NAGPA: variants seen among roughly 807,000 people sequenced by gnomAD.
NAGPA encodes the protein N-acetylglucosamine-1-phosphodiester alpha-N-acetylglucosaminidase.
Under a neutral mutation model 48.5 loss-of-function variants are expected in NAGPA, and 56 were observed. The observed-to-expected ratio is 1.15, with a 90% confidence interval of 0.93 to 1.44. The LOEUF (loss-of-function observed/expected upper bound fraction) is 1.44. NAGPA is among the 40% of genes most tolerant of loss of function. The probability of loss-of-function intolerance (pLI) is 0.00; values close to 1 mark genes in which losing one functional copy is unlikely to be tolerated. For missense variants in NAGPA, 888 were observed against 735.0 expected (o/e 1.21, Z -2.41); for synonymous variants, 399 against 315.5 (o/e 1.26, Z -2.81).
chr16:5,027,053 G>C, intron 9 of NAGPA, 82 bp downstream of exon 9: 1 of 1,530,206 alleles, frequency 6.5e-7, no homozygotes, highest in Middle Eastern at 2.1e-4. Flanking sequence ...GACAAGGGCA[G>C]AGATGGACCT....
intron 4 of NAGPA, 25 bp downstream of exon 4, chr16:5,030,360 G>A (rs1956077331): frequency 6.5e-7 from 1 of 1,545,748 alleles, no homozygotes; most frequent in Non-Finnish European, 8.7e-7. Flanking sequence ...GCCCCGGCCG[G>A]GGGGCCTCAG....
intron 9 of NAGPA, among the ~76,000 whole-genome samples, chr16:5,026,330 G>C (rs919287877): frequency 1.3e-5 from 2 of 148,456 alleles, no homozygotes; most frequent in Non-Finnish European, 3.0e-5. Context: ...CGTATCACTT[G>C]AGGTCAGGAG....
rs1955969953 is a variant in NAGPA at position 5,025,029 on chromosome 16, T to A, written c.*449A>T. 2 of 193,916 alleles carry A rather than the reference T, an allele frequency of 1.0e-5. No homozygotes were observed. The highest frequency in any genetic ancestry group is 1.1e-4 in the Admixed American group (2 of 18,866). 12.0% of individuals were successfully genotyped at this position (193,916 alleles called of 1,614,324 possible). A position where few individuals can be genotyped will look rare whatever the true frequency, so the allele number is the denominator to read the frequency against. On this transcript the variant is annotated 3_prime_UTR_variant, in exon 10 of 10. Transcript: ENST00000312251. ...CTAGTTGGCAAATCCAGTGATGAGGTCTGTAGAAAAGGGGTCCCGTGTCAC... is the reference window on the plus strand; with the variant it reads ...CTAGTTGGCAAATCCAGTGATGAGGACTGTAGAAAAGGGGTCCCGTGTCAC...
intron 9 of NAGPA, among the ~76,000 whole-genome samples, chr16:5,026,300 C>G (rs1187033815): frequency 6.6e-6 from 1 of 150,824 alleles, no homozygotes; most frequent in Non-Finnish European, 1.5e-5. Context: ...AATCCCAGCA[C>G]TTTGTGAGGC....
In NAGPA at chr16:5,033,334, T is replaced by C. The variant is rs1956138584; in HGVS notation, c.481A>G (p.Ser161Gly). 4.4e-6 allele frequency: 7 copies of C among 1,597,550 alleles called. No individual in the cohort carries two copies. The highest frequency in any genetic ancestry group is 5.9e-6 in the Non-Finnish European group (7 of 1,179,444). Reference protein sequence around the residue: ...NVVSDERRVSSSGGLQNAQFG... With the variant: ...NVVSDERRVSGSGGLQNAQFG... ...TGCGCGTTCTGCAGCCCCCCGGAGC[T>C]GCTCACCCGCCGCTCGTCGCTCACC... Residue 161 changes from serine to glycine, a missense_variant, in exon 2 of 10, where the codon AGC (serine) becomes GGC (glycine). Coordinates refer to ENST00000312251, the MANE Select transcript of NAGPA (RefSeq NM_016256.4). This position sits in a 1 kb window ranked among gnomAD's most constrained non-coding sequence, Gnocchi z 4.2.
chr16:5,028,646 C>A, intron 5 of NAGPA: 1 of 635,780 alleles, frequency 1.6e-6, no homozygotes, highest in South Asian at 1.8e-5. Flanking sequence ...CCAGCTACCA[C>A]CTCCTTCAGA....
At chr16:5,030,551 C>G (rs1727648933) in intron 3 of NAGPA, 58 bp from the exon 4 acceptor site, 2 of 1,364,568 alleles carry the variant, frequency 1.5e-6, no homozygotes, top group Middle Eastern at 1.8e-4. Context: ...TGCTTCTTGC[C>G]TAACTCCACT....
intron 6 of NAGPA, 30 bp downstream of exon 6, chr16:5,027,950 C>T: frequency 6.2e-7 from 1 of 1,613,756 alleles, no homozygotes; most frequent in Non-Finnish European, 8.5e-7. Flanking sequence ...CAGGGCTGGG[C>T]AGAGCCCCCT....
Position 5,033,254 on chromosome 16 carries a change from G to A in NAGPA, c.542+19C>T. Reference sequence around the variant, plus strand: ...CAGGCCCTCTGCCCTCGACAGCACGGGGCTCCCTGCCTCCTCACCCGGTGA... The same window carrying A: ...CAGGCCCTCTGCCCTCGACAGCACGAGGCTCCCTGCCTCCTCACCCGGTGA... On this transcript the variant is annotated intron_variant, in intron 2 of 9. Transcript: ENST00000312251. This position sits in a 1 kb window ranked among gnomAD's most constrained non-coding sequence, Gnocchi z 4.2. 3 of 1,578,522 alleles carry A rather than the reference G, an allele frequency of 1.9e-6. No homozygotes were observed. The highest frequency in any genetic ancestry group is 2.1e-4 in the Middle Eastern group (1 of 4,730).
At chr16:5,026,651 G>A (rs1374319607) in intron 9 of NAGPA, among the ~76,000 whole-genome samples, 1 of 152,196 alleles carries the variant, frequency 6.6e-6, no homozygotes, top group Non-Finnish European at 1.5e-5. Flanking sequence ...GGGCATGGGG[G>A]CTGGGAGGCC....
In NAGPA at chr16:5,027,700, C is replaced by T. The variant is rs1202974014; in HGVS notation, c.1174+146G>A. The T allele has an allele frequency of 4.8e-6, 6 of 1,251,906 alleles. No individual in the cohort carries two copies. In the East Asian group the frequency reaches 1.5e-4, roughly 32 times the overall value. The allele number at this position is 1,251,906 out of a possible 1,614,324, so 77.5% of individuals were successfully genotyped here. A position where few individuals can be genotyped will look rare whatever the true frequency, so the allele number is the denominator to read the frequency against. ...GGCCGCAGCAGCCACAGGGGAGTCA[C>T]ACAGTGATGTGCAGGTGAGGCCGGG... is the stretch of plus-strand genomic sequence containing the variant. On this transcript the variant is annotated intron_variant, in intron 7 of 9. Transcript: ENST00000312251.
At position 5,027,898 on chromosome 16, in the gene NAGPA, C is replaced by T. The variant is rs370439272; in HGVS notation, c.1127-5G>A. On this transcript the variant is annotated splice_region_variant and splice_polypyrimidine_tract_variant and intron_variant, in intron 6 of 9. Coordinates refer to ENST00000312251, the MANE Select transcript of NAGPA (RefSeq NM_016256.4). ...CGGCATCACAGCGGCAGCCGGCTGCCGAGACAAGACCGGGGAGGCCAGGTG... is the reference window on the plus strand; with the variant it reads ...CGGCATCACAGCGGCAGCCGGCTGCTGAGACAAGACCGGGGAGGCCAGGTG... The T allele has an allele frequency of 2.5e-5, 40 of 1,601,212 alleles. No individual in the cohort carries two copies. Among genetic ancestry groups the T allele is most frequent in the Middle Eastern group, 1.7e-4 (1 of 6,060 alleles).
chr16:5,033,102 C>T lies in NAGPA; in HGVS notation c.542+171G>A. ...ACATTGCCTGATACAAGCAAGTGCT[C>T]AATGATACTGGATGATGAATAAACT... On this transcript the variant is annotated intron_variant, in intron 2 of 9. Transcript: ENST00000312251. This position sits in a 1 kb window ranked among gnomAD's most constrained non-coding sequence, Gnocchi z 4.2. 1 of 790,256 alleles carries T rather than the reference C, an allele frequency of 1.3e-6. No individual in the cohort carries two copies. Among genetic ancestry groups the T allele is most frequent in the Non-Finnish European group, 2.0e-6 (1 of 493,014 alleles). 49.0% of individuals were successfully genotyped at this position (790,256 alleles called of 1,614,324 possible).
In NAGPA at chr16:5,031,863, C is replaced by T. The variant is rs1465272322; in HGVS notation, c.564G>A (p.Val188=). 1 of 1,614,182 alleles carries T rather than the reference C, an allele frequency of 6.2e-7. No individual in the cohort carries two copies. Among genetic ancestry groups the T allele is most frequent in the East Asian group, 2.2e-5 (1 of 44,882 alleles). ...GCACAAATGGGTTCTCAGTGTCCAG[C>T]ACCTCCTCCTCAGACAGGTACCTGG... is the stretch of plus-strand genomic sequence containing the variant. ...LVTGYLSEEE[V]LDTENPFVQL... Residue 188 remains valine (V), a synonymous_variant, in exon 3 of 10, where the codon GTG becomes GTA. Coordinates refer to ENST00000312251, the MANE Select transcript of NAGPA (RefSeq NM_016256.4).
At chr16:5,028,611 GCCCGGAAGGCTCTCCCACCCCCA>G in intron 5 of NAGPA, 1 of 572,054 alleles carries the variant, frequency 1.7e-6, no homozygotes, top group Non-Finnish European at 3.1e-6. Flanking sequence ...GGTGCCCTCT[GCCCGGAAGGCTCTCCCACCCCCA>G]CCCAGCTACC....
chr16:5,028,374 G>C, intron 5 of NAGPA, 189 bp from the exon 6 acceptor site: 2 of 1,137,630 alleles, frequency 1.8e-6, no homozygotes, highest in South Asian at 1.3e-5. Context: ...AGCTGTAACC[G>C]TAAGGTGTGC....
At position 5,025,533 on chromosome 16, in the gene NAGPA, G is replaced by T; in HGVS notation, c.1493C>A (p.Pro498His). 6.2e-7 allele frequency: 1 copy of T among 1,613,234 alleles called. No homozygotes were observed. Residue 498 changes from proline (P) to histidine (H), a missense_variant, in exon 10 of 10, where the codon CCT (proline) becomes CAT (histidine). Coordinates refer to ENST00000312251, the MANE Select transcript of NAGPA (RefSeq NM_016256.4). ...TGGCTGCTCCTTCTCTGCGGCCAGA[G>T]GCTCCCCGTTCATCTCCTGCAGCGG... ...YHPLQEMNGE[P>H]LAAEKEQPGG...
intron 5 of NAGPA, 32 bp downstream of exon 5, chr16:5,028,848 A>C: frequency 6.2e-7 from 1 of 1,613,678 alleles, no homozygotes; most frequent in South Asian, 1.1e-5. Flanking sequence ...CCTGGACTTC[A>C]GCCCTCACGA....
In NAGPA at chr16:5,025,092, G is replaced by T. The variant is rs745411165; in HGVS notation, c.*386C>A. On this transcript the variant is annotated 3_prime_UTR_variant, in exon 10 of 10. Coordinates refer to ENST00000312251, the MANE Select transcript of NAGPA (RefSeq NM_016256.4). The stretch of plus-strand genomic sequence containing the variant: ...AGACTCGTCCCTTTAACCCACTCCA[G>T]CCAGGGGTGCTGGCCAGGATGTGCT... The T allele has an allele frequency of 7.4e-5, 20 of 269,886 alleles. No individual in the cohort carries two copies. Among genetic ancestry groups the T allele is most frequent in the Admixed American group, 2.8e-4 (6 of 21,536 alleles). The allele number at this position is 269,886 out of a possible 1,614,324, so 16.7% of individuals were successfully genotyped here.
Sources: gnomAD v4.1 joint callset for allele counts (sites outside exome capture counted in the v4.1 genomes callset) on GRCh38, gnomAD v4.1.1 for gene constraint, Gnocchi (gnomAD v3.1) non-coding constraint, MANE v1.5 for transcripts, NCBI Gene and HGNC (gene_info 2026-07-23, HGNC 2026-07-21) for gene names.